KIAA1217: variants seen among roughly 807,000 people sequenced by gnomAD.
KIAA1217 encodes KIAA1217, also known as sickle tail protein homolog.
In KIAA1217, 88 loss-of-function variants were observed where a neutral mutation model predicts 163.9. The observed-to-expected ratio is 0.54, with a 90% CI of 0.45 to 0.64. The LOEUF is 0.64. Ranked by LOEUF, KIAA1217 falls within the 30% of genes least tolerant of loss-of-function variation. The probability of loss-of-function intolerance (pLI) is 0.00; values close to 1 mark genes in which losing one functional copy is unlikely to be tolerated. For missense variants in KIAA1217, 2,372 were observed against 2,475.0 expected (o/e 0.96, Z 0.88); for synonymous variants, 903 against 923.1 (o/e 0.98, Z 0.39).
intron 2 of KIAA1217, among the ~76,000 whole-genome samples, chr10:24,286,462 A>C (rs961854036): frequency 5.3e-5 from 8 of 152,024 alleles, no homozygotes; most frequent in Admixed American, 4.6e-4. Context: ...ATATACACAC[A>C]CACACACACA....
Position 24,181,219 on chromosome 10 carries a change from T to C in KIAA1217, c.-170-38407T>C, listed in dbSNP as rs377697350. On this transcript the variant is annotated intron_variant, in intron 2 of 18. Coordinates refer to the KIAA1217 transcript ENST00000376462. ...GTTACAAAGGTGAGATGTAAAGACC[T>C]GTGGAAATATCTGAGAGGGGAACCT... Among the ~76,000 whole-genome samples, 83 of 152,322 alleles carry C rather than the reference T, an allele frequency of 5.4e-4. 1 individual carries two copies. Among genetic ancestry groups the C allele is most frequent in the African/African-American group, 1.8e-3 (73 of 41,578 alleles).
intron 1 of KIAA1217, among the ~76,000 whole-genome samples, chr10:23,846,949 T>G (rs556538470): frequency 6.6e-6 from 1 of 152,260 alleles, no homozygotes; most frequent in African/African-American, 2.4e-5. Flanking sequence ...CATGAAGGGA[T>G]GTTGAATTTT....
intron 2 of KIAA1217, among the ~76,000 whole-genome samples, chr10:24,058,455 T>A (rs2060604710): frequency 6.6e-6 from 1 of 152,186 alleles, no homozygotes; most frequent in Non-Finnish European, 1.5e-5. Flanking sequence ...TTGATGAGGA[T>A]TGCATTGAAT....
intron 15 of KIAA1217, among the ~76,000 whole-genome samples, chr10:24,532,682 T>A (rs11813110): frequency 0.053 from 7,990 of 152,124 alleles, 533 homozygotes; most frequent in African/African-American, 0.15. Flanking sequence ...CTCGTGAGAC[T>A]TATTCACCAC....
chr10:24,354,657 C>T (rs1244138954), intron 2 of KIAA1217, among the ~76,000 whole-genome samples: 1 of 151,022 alleles, frequency 6.6e-6, no homozygotes, highest in Non-Finnish European at 1.5e-5. Flanking sequence ...CCCTGGAGTT[C>T]AGCCATCCTG....
chr10:23,750,766 A>G (rs767491441), intron 1 of KIAA1217, among the ~76,000 whole-genome samples: 6 of 152,180 alleles, frequency 3.9e-5, no homozygotes, highest in Non-Finnish European at 5.9e-5. Context: ...GCACAAATGC[A>G]GGAGGCTTCT....
At chr10:24,239,547 A>G (rs933014559) in intron 2 of KIAA1217, among the ~76,000 whole-genome samples, 6 of 151,090 alleles carry the variant, frequency 4.0e-5, no homozygotes, top group African/African-American at 1.2e-4. Flanking sequence ...AGAGCTGAAA[A>G]CAAGCGATGC....
Position 24,544,201 on chromosome 10 carries a change from C to A in KIAA1217, c.4931C>A (p.Pro1644His). The A allele has an allele frequency of 6.2e-7, 1 of 1,613,952 alleles. No homozygotes were observed. The highest frequency in any genetic ancestry group is 8.5e-7 in the Non-Finnish European group (1 of 1,179,972). The stretch of plus-strand genomic sequence containing the variant: ...AACACAGTGAGGAGGCAAGAGCAGC[C>A]CAGCATCGAGAGTACATCTCCGATT... The part of the protein sequence containing the change: ...PENTVRRQEQ[P>H]SIESTSPISR... Residue 1644 changes from proline (P) to histidine (H), a missense_variant, in exon 19 of 21, where the codon CCC becomes CAC. By Grantham distance (77) the Pro-to-His change is moderately conservative. Around this residue, in one of 3 missense-constraint regions of KIAA1217, gnomAD observed 690 missense variants for 677.5 expected, o/e 1.02. Transcript: ENST00000376454.
At chr10:24,114,166 C>G (rs926938292) in intron 2 of KIAA1217, among the ~76,000 whole-genome samples, 1 of 152,100 alleles carries the variant, frequency 6.6e-6, no homozygotes, top group Admixed American at 6.5e-5. Context: ...GCCCTGGCTG[C>G]AAGGGAGTCT....
intron 2 of KIAA1217, among the ~76,000 whole-genome samples, chr10:24,306,368 T>G (rs1244307449): frequency 4.6e-5 from 7 of 152,222 alleles, no homozygotes. Context: ...TCTTTAGGAC[T>G]TTAAGTAATT....
rs533775164 is a variant in KIAA1217 at position 23,942,839 on chromosome 10, C to T, written c.-320-64386C>T. 3.7e-4 allele frequency among the ~76,000 whole-genome samples: 56 copies of T among 151,898 alleles called. 1 individual carries two copies. Among genetic ancestry groups the T allele is most frequent in the African/African-American group, 1.2e-3 (50 of 41,396 alleles). On this transcript the variant is annotated intron_variant, in intron 1 of 18. Coordinates refer to the KIAA1217 transcript ENST00000376462. The stretch of plus-strand genomic sequence containing the variant: ...AGAAAAAGAAACAGTCTGGGCACAG[C>T]GCTCATGCCTGTAGTGCCAGCACTT...
chr10:24,500,945 C>G (rs949037090), intron 8 of KIAA1217, among the ~76,000 whole-genome samples: 2 of 151,906 alleles, frequency 1.3e-5, no homozygotes, highest in African/African-American at 4.8e-5. Context: ...AACAAACAAA[C>G]AAAAAACCTT....
chr10:24,359,144 C>T (rs538747763), intron 2 of KIAA1217, among the ~76,000 whole-genome samples: 1 of 139,020 alleles, frequency 7.2e-6, no homozygotes, highest in Admixed American at 8.0e-5. Context: ...GGCTGGAGTG[C>T]AGTGGTGCTA....
chr10:24,392,066 C>A (rs993738615), intron 3 of KIAA1217, among the ~76,000 whole-genome samples: 14 of 152,016 alleles, frequency 9.2e-5, no homozygotes, highest in African/African-American at 3.4e-4. Context: ...TATCAAAGAA[C>A]CATTAAAATA....
chr10:23,853,438 G>A (rs958312167), intron 1 of KIAA1217, among the ~76,000 whole-genome samples: 7 of 152,066 alleles, frequency 4.6e-5, no homozygotes, highest in Admixed American at 1.3e-4. Context: ...GAGGATTTTT[G>A]CATCAATGTT....
rs372632111 is a variant in KIAA1217 at position 23,957,673 on chromosome 10, G to T, written c.-320-49552G>T. 1.1e-4 allele frequency among the ~76,000 whole-genome samples: 17 copies of T among 152,282 alleles called. No individual in the cohort carries two copies. The East Asian group carries it at 3.3e-3, about 29-fold the overall frequency. ...GGAGGTGGAGGTTGCAGTGAGCCGAGATCGGGCCACTGCACTCCAGTCTGG... is the reference window on the plus strand; with the variant it reads ...GGAGGTGGAGGTTGCAGTGAGCCGATATCGGGCCACTGCACTCCAGTCTGG... On this transcript the variant is annotated intron_variant, in intron 1 of 18. Transcript: ENST00000376462.
At chr10:24,106,995 T>A (rs975120133) in intron 2 of KIAA1217, among the ~76,000 whole-genome samples, 4 of 152,164 alleles carry the variant, frequency 2.6e-5, no homozygotes, top group Non-Finnish European at 5.9e-5. Context: ...GTAATGACCA[T>A]AGTACCCAAT....
At chr10:24,509,548 C>T (rs967906137) in intron 9 of KIAA1217, among the ~76,000 whole-genome samples, 13 of 152,122 alleles carry the variant, frequency 8.5e-5, no homozygotes, top group Admixed American at 2.6e-4. Context: ...TTCTCAGAAA[C>T]GTTATATTGC....
At chr10:24,106,266 G>A in intron 2 of KIAA1217, among the ~76,000 whole-genome samples, 1 of 152,084 alleles carries the variant, frequency 6.6e-6, no homozygotes, top group East Asian at 1.9e-4. Flanking sequence ...TTGCAATTAG[G>A]TGTAGCCATG....
Sources: allele counts gnomAD v4.1 joint callset (sites outside exome capture counted in the v4.1 genomes callset), GRCh38; gene constraint gnomAD v4.1.1; regional missense constraint gnomAD v4.1.1; transcripts MANE v1.5; gene names NCBI Gene and HGNC (gene_info 2026-07-23, HGNC 2026-07-21).